The following NTSR1 variants were observed in gnomAD, a reference collection of about 807,000 sequenced individuals.
NTSR1 encodes the protein neurotensin receptor 1.
Under a neutral mutation model 31.2 loss-of-function variants are expected in NTSR1, and 29 were observed. The observed-to-expected ratio is 0.93, with a 90% CI of 0.69 to 1.27. The LOEUF is 1.27. Ranked by LOEUF, NTSR1 falls within the 50% of genes most tolerant of loss-of-function variation. NTSR1 has a pLI of 0.00. For synonymous variants in NTSR1, 282 were observed against 269.9 expected, an observed-to-expected ratio of 1.04 and a Z score of -0.44; for missense variants, 697 against 595.4, an observed-to-expected ratio of 1.17 and a Z score of -1.78.
intron 1 of NTSR1, among the ~76,000 whole-genome samples, chr20:62,731,765 G>A (rs987674620): frequency 2.0e-5 from 3 of 152,116 alleles, no homozygotes; most frequent in Non-Finnish European, 4.4e-5. Context: ...GCATGTGTCC[G>A]TCCACTTCTG....
intron 1 of NTSR1, among the ~76,000 whole-genome samples, chr20:62,729,981 C>G (rs1988976184): frequency 6.6e-6 from 1 of 152,062 alleles, no homozygotes; most frequent in Non-Finnish European, 1.5e-5. Context: ...AGCGTTGAGC[C>G]CACAGGACAG....
chr20:62,711,600 C>G lies in NTSR1; in HGVS notation c.714+1679C>G, dbSNP rs898832267. On this transcript the variant is annotated intron_variant, in intron 1 of 3. Transcript: ENST00000370501. This position sits in a 1 kb window ranked among gnomAD's most constrained non-coding sequence, Gnocchi z 6.4. ...CCCGCTCAGATCCCCGATCCCCCCG[C>G]TCAGAACCCCGATCCCCCTGCTCCC... Among the ~76,000 whole-genome samples, 3 of 148,872 alleles carry G rather than the reference C, an allele frequency of 2.0e-5. No homozygotes were observed. The highest frequency in any genetic ancestry group is 7.4e-5 in the African/African-American group (3 of 40,450).
chr20:62,761,775 A>G lies in NTSR1; in HGVS notation c.*1508A>G, dbSNP rs995988167. On this transcript the variant is annotated 3_prime_UTR_variant, in exon 4 of 4. Transcript: ENST00000370501. Reference sequence around the variant, plus strand: ...GTCTGAGAAATGAGAGTCGAATGCTACAGTATCTGCAGTCGCTTGGATCTG... The same window carrying G: ...GTCTGAGAAATGAGAGTCGAATGCTGCAGTATCTGCAGTCGCTTGGATCTG... The G allele has an allele frequency of 6.6e-5, 10 of 152,242 alleles. No individual in the cohort carries two copies. The highest frequency in any genetic ancestry group is 2.4e-4 in the African/African-American group (10 of 41,440). 9.4% of individuals were successfully genotyped at this position (152,242 alleles called of 1,614,324 possible).
chr20:62,755,232 C>CA (rs1989467639), intron 2 of NTSR1, among the ~76,000 whole-genome samples: 1 of 131,672 alleles, frequency 7.6e-6, no homozygotes, highest in African/African-American at 2.8e-5. Context: ...TCTCTCCCTC[C>CA]TTCCCTCCAT....
intron 1 of NTSR1, among the ~76,000 whole-genome samples, chr20:62,753,598 G>T (rs1196159452): frequency 6.6e-6 from 1 of 152,224 alleles, no homozygotes; most frequent in Non-Finnish European, 1.5e-5. Context: ...CAGAGAGGGG[G>T]CAGCCTCCGT....
rs186432736 is a variant in NTSR1 at position 62,737,147 on chromosome 20, A to T, written c.715-17538A>T. ...TTGGCCTGGGCCCAGTCTTTCCCGG[A>T]TGGATGGTGCGATGATCAGCCCCGT... On this transcript the variant is annotated intron_variant, in intron 1 of 3. Transcript: ENST00000370501. Among the ~76,000 whole-genome samples, 118 of 152,284 alleles carry T rather than the reference A, an allele frequency of 7.7e-4. 1 individual carries two copies. The highest frequency in any genetic ancestry group is 2.8e-3 in the African/African-American group (116 of 41,560).
At position 62,757,770 on chromosome 20, in the gene NTSR1, C is replaced by T. The variant is rs150594125; in HGVS notation, c.917-496C>T. ...TAAGCCCATGTCTCTGAGCCAGTGT[C>T]TACCTCCCTCAGCCCATGTCTCTCC... On this transcript the variant is annotated intron_variant, in intron 2 of 3. Transcript: ENST00000370501. Among the ~76,000 whole-genome samples, 1,126 of 152,264 alleles carry T rather than the reference C, an allele frequency of 7.4e-3. 17 individuals carry two copies. The highest frequency in any genetic ancestry group is 0.026 in the African/African-American group (1,078 of 41,534).
chr20:62,709,636 C>T lies in NTSR1; in HGVS notation c.429C>T (p.Gly143=). 1 of 1,612,120 alleles carries T rather than the reference C, an allele frequency of 6.2e-7. No individual in the cohort carries two copies. Among genetic ancestry groups the T allele is most frequent in the Non-Finnish European group, 8.5e-7 (1 of 1,179,874 alleles). The part of the protein sequence containing the change: ...PWAFGDAGCR[G]YYFLRDACTY... ...CCTTCGGCGACGCCGGCTGCCGCGG[C>T]TACTACTTCCTGCGCGACGCCTGCA... The change falls in exon 1 of 4, where the codon GGC becomes GGT. Residue 143 remains glycine (G), a synonymous_variant. Coordinates refer to ENST00000370501, the MANE Select transcript of NTSR1 (RefSeq NM_002531.3).
intron 1 of NTSR1, among the ~76,000 whole-genome samples, chr20:62,740,384 A>G (rs12480564): frequency 0.081 from 9,807 of 121,050 alleles, 200 homozygotes; most frequent in African/African-American, 0.27. Flanking sequence ...TATAAGCCGC[A>G]CAGGCCGGAA....
At chr20:62,740,307 GTGCAGGC>G (rs1568705672) in intron 1 of NTSR1, among the ~76,000 whole-genome samples, 2 of 138,350 alleles carry the variant, frequency 1.4e-5, no homozygotes, top group African/African-American at 6.3e-5. Context: ...CTTACAAGCC[GTGCAGGC>G]CGGAAGGAAA....
At position 62,760,063 on chromosome 20, in the gene NTSR1, A is replaced by G; in HGVS notation, c.1053A>G (p.Ala351=). The G allele has an allele frequency of 6.2e-7, 1 of 1,613,546 alleles. No homozygotes were observed. The highest frequency in any genetic ancestry group is 8.5e-7 in the Non-Finnish European group (1 of 1,179,880). The change falls in exon 4 of 4, where the codon GCA becomes GCG. Residue 351 remains alanine, a synonymous_variant. Coordinates refer to ENST00000370501, the MANE Select transcript of NTSR1 (RefSeq NM_002531.3). ...ACTACTTCTACATGGTGACCAACGC[A>G]CTCTTCTACGTCAGCTCCACCATCA... is the stretch of plus-strand genomic sequence containing the variant. ...FYHYFYMVTN[A]LFYVSSTINP... is the part of the protein sequence containing the mutation.
Position 62,711,962 on chromosome 20 carries a change from G to A in NTSR1, c.714+2041G>A, listed in dbSNP as rs948249279. 5.9e-5 allele frequency among the ~76,000 whole-genome samples: 9 copies of A among 152,354 alleles called. No homozygotes were observed. In the South Asian group the frequency reaches 8.3e-4, roughly 14 times the overall value. On this transcript the variant is annotated intron_variant, in intron 1 of 3. Coordinates refer to ENST00000370501, the MANE Select transcript of NTSR1 (RefSeq NM_002531.3). This position sits in a 1 kb window ranked among gnomAD's most constrained non-coding sequence, Gnocchi z 6.4. ...CCTGCAGACGCCATGCTGGCCGAGC[G>A]TTGCTGAAGGCACCCTTGGAGAACG...
Position 62,717,614 on chromosome 20 carries a change from A to G in NTSR1, c.714+7693A>G, listed in dbSNP as rs550132193. 2.0e-4 allele frequency among the ~76,000 whole-genome samples: 31 copies of G among 152,322 alleles called. 1 individual carries two copies. Among genetic ancestry groups the G allele is most frequent in the African/African-American group, 6.7e-4 (28 of 41,572 alleles). On this transcript the variant is annotated intron_variant, in intron 1 of 3. Transcript: ENST00000370501. ...GGGTGGAAGAAGGACTCAATCGCCC[A>G]TGAGCATGATTTGTGTTCTCCCCTG...
At chr20:62,738,088 T>TCTGCCCAC (rs1989137215) in intron 1 of NTSR1, among the ~76,000 whole-genome samples, 1 of 70,266 alleles carries the variant, frequency 1.4e-5, no homozygotes, top group African/African-American at 1.0e-4. Context: ...CCTCTGCCTA[T>TCTGCCCAC]GCCAGGTGCC....
At chr20:62,735,066 C>G (rs1484271395) in intron 1 of NTSR1, among the ~76,000 whole-genome samples, 1 of 152,168 alleles carries the variant, frequency 6.6e-6, no homozygotes, top group African/African-American at 2.4e-5. Flanking sequence ...GTGGAGGCAG[C>G]CCTGCATGAT....
rs186859329 is a variant in NTSR1 at position 62,745,921 on chromosome 20, G to A, written c.715-8764G>A. 3.3e-5 allele frequency among the ~76,000 whole-genome samples: 5 copies of A among 152,380 alleles called. No individual in the cohort carries two copies. Among genetic ancestry groups the A allele is most frequent in the Admixed American group, 2.0e-4 (3 of 15,310 alleles). On this transcript the variant is annotated intron_variant, in intron 1 of 3. Coordinates refer to ENST00000370501, the MANE Select transcript of NTSR1 (RefSeq NM_002531.3). This position sits in a 1 kb window ranked among gnomAD's most constrained non-coding sequence, Gnocchi z 4.1. Reference sequence around the variant, plus strand: ...TCTCTTTAGAGACAAATCGAAAGGCGCCAGGGTGCTGTGGCATCAGTGGCG... The same window carrying A: ...TCTCTTTAGAGACAAATCGAAAGGCACCAGGGTGCTGTGGCATCAGTGGCG...
chr20:62,760,395 G>T lies in NTSR1; in HGVS notation c.*128G>T. ...AGGCCAGCCTGCACTGGAGTCTGAG[G>T]CCTGGGACCCCCCCCTCCCACCCCC... On this transcript the variant is annotated 3_prime_UTR_variant, in exon 4 of 4. Transcript: ENST00000370501. 1 of 1,050,600 alleles carries T rather than the reference G, an allele frequency of 9.5e-7. No individual in the cohort carries two copies. Among genetic ancestry groups the T allele is most frequent in the Non-Finnish European group, 1.3e-6 (1 of 749,338 alleles). The allele number at this position is 1,050,600 out of a possible 1,614,324, so 65.1% of individuals were successfully genotyped here.
Position 62,709,742 on chromosome 20 carries a change from C to G in NTSR1, c.535C>G (p.Leu179Val). 2 of 1,613,046 alleles carry G rather than the reference C, an allele frequency of 1.2e-6. No homozygotes were observed. The highest frequency in any genetic ancestry group is 1.7e-6 in the Non-Finnish European group (2 of 1,179,936). The change falls in exon 1 of 4, where the codon CTC (leucine) becomes GTC (valine). Residue 179 changes from leucine (L) to valine (V), a missense_variant. Physicochemically the swap from Leu to Val is conservative, Grantham distance 32 (BLOSUM62 1). Coordinates refer to ENST00000370501, the MANE Select transcript of NTSR1 (RefSeq NM_002531.3). ...AICHPFKAKT[L>V]MSRSRTKKFI... Reference sequence around the variant, plus strand: ...CTGCCACCCCTTCAAGGCCAAGACCCTCATGTCCCGAAGCCGCACCAAGAA... The same window carrying G: ...CTGCCACCCCTTCAAGGCCAAGACCGTCATGTCCCGAAGCCGCACCAAGAA...
At chr20:62,755,273 C>CCT (rs1989469938) in intron 2 of NTSR1, among the ~76,000 whole-genome samples, 1 of 129,564 alleles carries the variant, frequency 7.7e-6, no homozygotes, top group Non-Finnish European at 1.7e-5. Context: ...CCATCCATCC[C>CCT]TCTCTCCCTC....
Sources: gnomAD v4.1 joint callset for allele counts (sites outside exome capture counted in the v4.1 genomes callset) on GRCh38, gnomAD v4.1.1 for gene constraint, Gnocchi (gnomAD v3.1) non-coding constraint, MANE v1.5 for transcripts, NCBI Gene and HGNC (gene_info 2026-07-23, HGNC 2026-07-21) for gene names.